Variants in HABP2 observed in about 807,000 individuals in gnomAD.
HABP2 encodes factor VII-activating protease.
In HABP2, 65 loss-of-function variants were observed where a neutral mutation model predicts 66.5. The observed-to-expected ratio is 0.98, with a 90% CI of 0.80 to 1.20. The LOEUF (loss-of-function observed/expected upper bound fraction) is 1.20. Ranked by LOEUF, HABP2 falls within the 50% of genes most tolerant of loss-of-function variation. HABP2 has a pLI of 0.00. For missense variants in HABP2, 786 were observed against 691.0 expected (o/e 1.14, Z -1.54); for synonymous variants, 263 against 253.9 (o/e 1.04, Z -0.34).
Position 113,578,730 on chromosome 10 carries a change from G to C in HABP2, c.672G>C (p.Leu224Phe). Residue 224 changes from leucine (L) to phenylalanine (F), a missense_variant, in exon 7 of 13, where the codon TTG becomes TTC. Transcript: ENST00000351270. ...TTTACTGGAACTCCCACCTCCTCTT[G>C]CAGGAGAATTACAACATGTTTATGG... ...ACLYWNSHLL[L>F]QENYNMFMED... 6.2e-7 allele frequency: 1 copy of C among 1,610,150 alleles called. No homozygotes were observed. Among genetic ancestry groups the C allele is most frequent in the Middle Eastern group, 1.7e-4 (1 of 6,060 alleles).
intron 1 of HABP2, among the ~76,000 whole-genome samples, chr10:113,560,145 C>T (rs1017031507): frequency 6.6e-6 from 1 of 152,226 alleles, no homozygotes; most frequent in Non-Finnish European, 1.5e-5. Context: ...CCTTTGGCTT[C>T]CACATTCTCC....
intron 1 of HABP2, among the ~76,000 whole-genome samples, chr10:113,565,255 T>G (rs1286854388): frequency 6.6e-6 from 1 of 152,242 alleles, no homozygotes; most frequent in Non-Finnish European, 1.5e-5. Context: ...ATATTCAAAT[T>G]TCCCACTTGT....
rs1222168483 is a variant in HABP2, at chr10:113,585,955, G to A, written c.1518+17G>A. ...ACCTGCCAGGTCAGAGACTCCAAGT[G>A]GTGCTTGTGGTAGGAGAGGCTAGCA... On this transcript the variant is annotated intron_variant, in intron 12 of 12. Coordinates refer to ENST00000351270, the MANE Select transcript of HABP2 (RefSeq NM_004132.5). 6.2e-7 allele frequency: 1 copy of A among 1,611,344 alleles called. No homozygotes were observed. The highest frequency in any genetic ancestry group is 8.5e-7 in the Non-Finnish European group (1 of 1,177,694).
At chr10:113,565,061 G>A (rs1050725900) in intron 1 of HABP2, among the ~76,000 whole-genome samples, 1 of 152,138 alleles carries the variant, frequency 6.6e-6, no homozygotes, top group Non-Finnish European at 1.5e-5. Context: ...AGCCAGGATG[G>A]TCTTGATCTC....
At chr10:113,582,245 T>A in intron 9 of HABP2, 114 bp downstream of exon 9, 2 of 1,048,044 alleles carry the variant, frequency 1.9e-6, no homozygotes, top group Middle Eastern at 3.2e-4. Context: ...TCTGATCTGT[T>A]CAAGGGCAAA....
chr10:113,555,014 C>T (rs943208461), intron 1 of HABP2, among the ~76,000 whole-genome samples: 10 of 152,266 alleles, frequency 6.6e-5, no homozygotes, highest in African/African-American at 9.6e-5. Flanking sequence ...GTGGCCAAGT[C>T]GTTCAGATGC....
At chr10:113,586,307 C>A (rs1409316477) in intron 12 of HABP2, among the ~76,000 whole-genome samples, 1 of 152,126 alleles carries the variant, frequency 6.6e-6, no homozygotes, top group African/African-American at 2.4e-5. Context: ...TGCAGGACAC[C>A]AAAGGGGCTT....
chr10:113,582,151 G>C lies in HABP2; in HGVS notation c.1094+20G>C. Reference sequence around the variant, plus strand: ...CACCGAGTAGGTGCCGCTGGGAGCAGGGACCAGGGTGGCTTGAGTGGCTGG... The same window carrying C: ...CACCGAGTAGGTGCCGCTGGGAGCACGGACCAGGGTGGCTTGAGTGGCTGG... On this transcript the variant is annotated intron_variant, in intron 9 of 12. Transcript: ENST00000351270. The C allele has an allele frequency of 6.3e-7, 1 of 1,592,408 alleles. No homozygotes were observed. The highest frequency in any genetic ancestry group is 8.5e-7 in the Non-Finnish European group (1 of 1,176,814).
chr10:113,567,504 T>G lies in HABP2; in HGVS notation c.85T>G (p.Leu29Val), dbSNP rs148380665. 2.0e-5 allele frequency: 32 copies of G among 1,612,630 alleles called. No individual in the cohort carries two copies. The African/African-American group carries it at 3.6e-4, about 18-fold the overall frequency. ...TGTTTTTCAGTTCTCCCTGATGTCT[T>G]TATTGGAAAGCCTGGACCCAGGTAA... ...KTACGFSLMS[L>V]LESLDPDWTP... Residue 29 changes from leucine to valine, a missense_variant, in exon 2 of 13, where the codon TTA becomes GTA. Physicochemically the swap from Leu to Val is conservative, Grantham distance 32 (BLOSUM62 1). Coordinates refer to ENST00000351270, the MANE Select transcript of HABP2 (RefSeq NM_004132.5).
intron 1 of HABP2, among the ~76,000 whole-genome samples, chr10:113,565,941 G>A (rs1306170804): frequency 6.6e-6 from 1 of 152,190 alleles, no homozygotes; most frequent in Non-Finnish European, 1.5e-5. Flanking sequence ...TTTGCCAAGA[G>A]TACTATCTGT....
upstream of HABP2, chr10:113,553,050 T>C: frequency 9.3e-7 from 1 of 1,073,040 alleles, no homozygotes; most frequent in Non-Finnish European, 1.4e-6. Context: ...GACTGACATT[T>C]TTCCCCCCTA....
chr10:113,583,849 C>A (rs930158123), intron 10 of HABP2, among the ~76,000 whole-genome samples: 1 of 152,114 alleles, frequency 6.6e-6, no homozygotes. Context: ...CATGAGACAC[C>A]CCCCCACCTC....
In HABP2 at chr10:113,588,740, A is replaced by C; in HGVS notation, c.*371A>C. ...CAGCGGGAACCACCATCACATCTTT[A>C]TTCCTCAGCCCAGACACTCGAGGCA... On this transcript the variant is annotated 3_prime_UTR_variant, in exon 13 of 13. Coordinates refer to ENST00000351270, the MANE Select transcript of HABP2 (RefSeq NM_004132.5). 1 of 558,630 alleles carries C rather than the reference A, an allele frequency of 1.8e-6. No individual in the cohort carries two copies. The highest frequency in any genetic ancestry group is 2.9e-5 in the East Asian group (1 of 34,580). 34.6% of individuals were successfully genotyped at this position (558,630 alleles called of 1,614,324 possible).
chr10:113,583,794 G>A (rs1322317665), intron 10 of HABP2, among the ~76,000 whole-genome samples: 3 of 152,186 alleles, frequency 2.0e-5, no homozygotes, highest in Non-Finnish European at 2.9e-5. Flanking sequence ...ATGCAATGAC[G>A]TTCCTAGCTA....
chr10:113,579,889 TCTC>T (rs1353541255), intron 7 of HABP2, among the ~76,000 whole-genome samples: 2 of 152,094 alleles, frequency 1.3e-5, no homozygotes, highest in Admixed American at 1.3e-4. Context: ...TTCAAGCAAT[TCTC>T]CTGCCTCAGC....
At chr10:113,551,830 A>AT (rs1225470133), upstream of HABP2, among the ~76,000 whole-genome samples, 163 of 152,034 alleles carry the variant, frequency 1.1e-3, no homozygotes, top group African/African-American at 3.8e-3. Flanking sequence ...AATAATAATA[A>AT]AAAGAAAAAG....
At position 113,584,222 on chromosome 10, in the gene HABP2, G is replaced by C. The variant is rs144211693; in HGVS notation, c.1312G>C (p.Asp438His). Residue 438 changes from aspartate (D) to histidine (H), a missense_variant, in exon 11 of 13, where the codon GAT (aspartate) becomes CAT (histidine). Coordinates refer to ENST00000351270, the MANE Select transcript of HABP2 (RefSeq NM_004132.5). The part of the protein sequence containing the change: ...SKYVKTVCLP[D>H]GSFPSGSECH... ...ATACGTGAAGACTGTGTGCTTGCCT[G>C]ATGGGTCCTTTCCCTCTGGGAGTGA... 52 of 1,613,914 alleles carry C rather than the reference G, an allele frequency of 3.2e-5. No homozygotes were observed. Among genetic ancestry groups the C allele is most frequent in the Non-Finnish European group, 4.2e-5 (50 of 1,179,740 alleles).
chr10:113,586,106 T>G (rs925266317), intron 12 of HABP2, among the ~76,000 whole-genome samples, 168 bp downstream of exon 12: 9 of 152,176 alleles, frequency 5.9e-5, no homozygotes, highest in African/African-American at 1.9e-4. Flanking sequence ...TGCATCTGCA[T>G]CCGCATCAAC....
At chr10:113,579,386 G>A (rs1845478433) in intron 7 of HABP2, among the ~76,000 whole-genome samples, 1 of 152,230 alleles carries the variant, frequency 6.6e-6, no homozygotes, top group African/African-American at 2.4e-5. Context: ...AAGAGACTGG[G>A]AAATGAAGCA....
Sources: gnomAD v4.1 joint callset for allele counts (sites outside exome capture counted in the v4.1 genomes callset) on GRCh38, gnomAD v4.1.1 for gene constraint, MANE v1.5 for transcripts, NCBI Gene and HGNC (gene_info 2026-07-23, HGNC 2026-07-21) for gene names.